PRPSAP2: variants seen among roughly 807,000 people sequenced by gnomAD.
PRPSAP2 encodes phosphoribosyl pyrophosphate synthetase associated protein 2.
PRPSAP2 carries 24 observed loss-of-function variants against 40.6 expected under a neutral mutation model. The ratio of observed to expected loss-of-function variants is 0.59; its 90% CI spans 0.43 to 0.83. The LOEUF is 0.83. Among genes scored for constraint, PRPSAP2 ranks in the 40% least tolerant of loss-of-function variants. The pLI, the probability that PRPSAP2 is intolerant of heterozygous loss-of-function variation, is 0.00. For synonymous variants in PRPSAP2, 149 were observed against 164.7 expected (o/e 0.90, Z 0.73); for missense variants, 292 against 465.6 (o/e 0.63, Z 3.43).
At chr17:18,873,456 T>A (rs956441164) in intron 5 of PRPSAP2, among the ~76,000 whole-genome samples, 3 of 152,166 alleles carry the variant, frequency 2.0e-5, no homozygotes, top group African/African-American at 7.2e-5. Flanking sequence ...TCCACCTGCC[T>A]CAGCCTCCCA....
At chr17:18,886,201 G>T (rs1319560441) in intron 7 of PRPSAP2, among the ~76,000 whole-genome samples, 1 of 152,116 alleles carries the variant, frequency 6.6e-6, no homozygotes, top group Non-Finnish European at 1.5e-5. Flanking sequence ...GTGGCACTGT[G>T]CCTTCTTGTC....
Position 18,899,931 on chromosome 17 carries a change from G to C in PRPSAP2, c.584+10054G>C, listed in dbSNP as rs2040160859. Among the ~76,000 whole-genome samples the C allele has an allele frequency of 2.6e-5, 4 of 152,130 alleles. 1 individual carries two copies. The South Asian group carries it at 8.3e-4, about 32-fold the overall frequency. The stretch of plus-strand genomic sequence containing the variant: ...AGACTGAGTCTCGCTCTGTTGCCCA[G>C]GCTGGAGTACAGTGGTGTTATCACA... On this transcript the variant is annotated intron_variant, in intron 8 of 11. Transcript: ENST00000268835.
Position 18,930,715 on chromosome 17 carries a change from A to T in PRPSAP2, c.*17A>T. The T allele has an allele frequency of 4.4e-6, 7 of 1,583,676 alleles. No individual in the cohort carries two copies. Among genetic ancestry groups the T allele is most frequent in the Non-Finnish European group, 6.0e-6 (7 of 1,162,686 alleles). ...GATGACTGAGTTTTCCTTTAGGAAA[A>T]CTCCCGAGGGCCAAACTGGAAACAT... On this transcript the variant is annotated 3_prime_UTR_variant, in exon 12 of 12. Transcript: ENST00000268835.
At chr17:18,915,735 G>A (rs544491282) in intron 9 of PRPSAP2, among the ~76,000 whole-genome samples, 3 of 152,066 alleles carry the variant, frequency 2.0e-5, no homozygotes, top group African/African-American at 7.2e-5. Flanking sequence ...CCATAGGAAG[G>A]CATTAATCCA....
intron 4 of PRPSAP2, among the ~76,000 whole-genome samples, chr17:18,871,809 C>T (rs1048464918): frequency 6.6e-6 from 1 of 152,058 alleles, no homozygotes; most frequent in Non-Finnish European, 1.5e-5. Flanking sequence ...TATAGGCATG[C>T]ACCACCACGC....
rs769884464 is a variant in PRPSAP2 at position 18,911,872 on chromosome 17, A to G, written c.733+621A>G. 6.6e-6 allele frequency among the ~76,000 whole-genome samples: 1 copy of G among 152,262 alleles called. No individual in the cohort carries two copies. The highest frequency in any genetic ancestry group is 1.5e-5 in the Non-Finnish European group (1 of 68,044). ...AGTTCTAGAGGCTGTGAAGGTCAAG[A>G]TAAAGGCGCCAGCACTGACCCCGTG... On this transcript the variant is annotated intron_variant, in intron 9 of 11. Transcript: ENST00000268835. This position sits in a 1 kb window ranked among gnomAD's most constrained non-coding sequence, Gnocchi z 4.5.
At position 18,911,429 on chromosome 17, in the gene PRPSAP2, G is replaced by A. The variant is rs567206215; in HGVS notation, c.733+178G>A. Among the ~76,000 whole-genome samples the A allele has an allele frequency of 5.3e-5, 8 of 152,210 alleles. No homozygotes were observed. In the East Asian group the frequency reaches 5.8e-4, roughly 11 times the overall value. ...TGATTACCTTGTAAATTGTAAGGCC[G>A]TTTAGAAGCAGTCTGTCCTTCTTTG... On this transcript the variant is annotated intron_variant, in intron 9 of 11. Coordinates refer to ENST00000268835, the MANE Select transcript of PRPSAP2 (RefSeq NM_002767.4). The surrounding 1 kb of genome is among the most constrained non-coding windows in gnomAD (Gnocchi z 4.5).
intron 8 of PRPSAP2, among the ~76,000 whole-genome samples, chr17:18,892,716 TGTG>T (rs1567708946): frequency 8.2e-5 from 8 of 97,962 alleles, no homozygotes; most frequent in African/African-American, 1.2e-4. Flanking sequence ...TGTGTGTGTG[TGTG>T]TGTGTGTGTA....
At chr17:18,901,281 G>A (rs1411392853) in intron 8 of PRPSAP2, among the ~76,000 whole-genome samples, 1 of 152,090 alleles carries the variant, frequency 6.6e-6, no homozygotes, top group Admixed American at 6.6e-5. Context: ...CTACAAATCT[G>A]GGATAATAAG....
intron 1 of PRPSAP2, chr17:18,859,737 T>C (rs2036857095): frequency 6.6e-6 from 1 of 151,852 alleles, no homozygotes; most frequent in Non-Finnish European, 1.5e-5. Context: ...TAAACATACA[T>C]AATAAGTTTT....
intron 7 of PRPSAP2, among the ~76,000 whole-genome samples, chr17:18,885,880 C>T (rs961862604): frequency 3.3e-5 from 5 of 152,136 alleles, no homozygotes; most frequent in Non-Finnish European, 5.9e-5. Flanking sequence ...AACCACCGCA[C>T]TTGGCCTAAT....
intron 5 of PRPSAP2, among the ~76,000 whole-genome samples, chr17:18,873,941 G>C (rs2038087307): frequency 1.3e-5 from 2 of 150,964 alleles, no homozygotes; most frequent in Admixed American, 1.3e-4. Context: ...GTCTTGCTCT[G>C]TTGTCCAGTC....
chr17:18,900,055 T>A (rs1395946383), intron 8 of PRPSAP2, among the ~76,000 whole-genome samples: 2 of 151,972 alleles, frequency 1.3e-5, no homozygotes, highest in Non-Finnish European at 2.9e-5. Context: ...CCCGGCTAAT[T>A]TTTGTATTTT....
intron 9 of PRPSAP2, among the ~76,000 whole-genome samples, chr17:18,914,506 C>T (rs2041186916): frequency 6.6e-6 from 1 of 151,642 alleles, no homozygotes; most frequent in Non-Finnish European, 1.5e-5. Context: ...GCAATCCTCC[C>T]TCCTTGGCCT....
At chr17:18,925,935 C>A (rs996805390) in intron 10 of PRPSAP2, among the ~76,000 whole-genome samples, 3 of 152,038 alleles carry the variant, frequency 2.0e-5, no homozygotes, top group African/African-American at 7.2e-5. Flanking sequence ...GAAACCTTGT[C>A]TCTACTAAAA....
In PRPSAP2 at chr17:18,860,838, C is replaced by G. The variant is rs562229214; in HGVS notation, c.-129+2577C>G. On this transcript the variant is annotated intron_variant, in intron 1 of 11. Transcript: ENST00000268835. Reference sequence around the variant, plus strand: ...CAGTGTGGTTTCTTCATTCATGAGACTTAACATTCTAAAATCTTATTCAAA... The same window carrying G: ...CAGTGTGGTTTCTTCATTCATGAGAGTTAACATTCTAAAATCTTATTCAAA... 1.1e-4 allele frequency: 16 copies of G among 152,314 alleles called. No individual in the cohort carries two copies. The East Asian group carries it at 3.1e-3, about 29-fold the overall frequency. The allele number at this position is 152,314 out of a possible 1,614,324, so 9.4% of individuals were successfully genotyped here.
chr17:18,901,362 TTCTC>T (rs1464465061), intron 8 of PRPSAP2, among the ~76,000 whole-genome samples: 1 of 151,904 alleles, frequency 6.6e-6, no homozygotes, highest in Admixed American at 6.6e-5. Context: ...CTAGTCTGCC[TTCTC>T]TCTACCTTTT....
At position 18,897,991 on chromosome 17, in the gene PRPSAP2, CTTTTTTTT is replaced by C. The variant is rs71155370; in HGVS notation, c.584+8133_584+8140del. Among the ~76,000 whole-genome samples, 18 of 116,350 alleles carry C rather than the reference CTTTTTTTT, an allele frequency of 1.5e-4. No individual in the cohort carries two copies. In the South Asian group the frequency reaches 3.5e-3, roughly 23 times the overall value. The allele number at this position is 116,350 out of a possible 152,430, so 76.3% of individuals were successfully genotyped here. On this transcript the variant is annotated intron_variant, in intron 8 of 11. Coordinates refer to ENST00000268835, the MANE Select transcript of PRPSAP2 (RefSeq NM_002767.4). ...CAGTATCAGGCTGTTAGAATTTTTG[CTTTTTTTT>C]TTTTTTTTTTTTTTTTTTGAGGCAG...
At chr17:18,910,054 C>T (rs923348414) in intron 8 of PRPSAP2, among the ~76,000 whole-genome samples, 1 of 152,090 alleles carries the variant, frequency 6.6e-6, no homozygotes, top group Non-Finnish European at 1.5e-5. Flanking sequence ...GAATATTACT[C>T]AGCAATGAAA....
Sources: gnomAD v4.1 joint callset for allele counts (sites outside exome capture counted in the v4.1 genomes callset) on GRCh38, gnomAD v4.1.1 for gene constraint, Gnocchi (gnomAD v3.1) non-coding constraint, MANE v1.5 for transcripts, NCBI Gene and HGNC (gene_info 2026-07-23, HGNC 2026-07-21) for gene names.